Variants in ABCG2 observed in about 807,000 individuals in gnomAD.
The protein encoded by ABCG2 is ATP binding cassette subfamily G member 2 (JR blood group).
A neutral mutation model predicts 73.5 loss-of-function variants in ABCG2; 80 were observed. The observed-to-expected ratio is 1.09, with a 90% CI of 0.91 to 1.31. The LOEUF is 1.31. Among genes scored for constraint, ABCG2 ranks in the 50% most tolerant of loss-of-function variants. The pLI, the probability that ABCG2 is intolerant of heterozygous loss-of-function variation, is 0.00. For synonymous variants in ABCG2, 269 were observed against 282.4 expected (o/e 0.95, Z 0.48); for missense variants, 796 against 786.2 (o/e 1.01, Z -0.15).
chr4:88,135,478 T>C (rs1725174060), intron 2 of ABCG2, among the ~76,000 whole-genome samples: 1 of 152,208 alleles, frequency 6.6e-6, no homozygotes, highest in Admixed American at 6.5e-5. Flanking sequence ...GTTTTGTTTA[T>C]GGACAAGAGA....
At chr4:88,094,681 G>C (rs768599475) in intron 14 of ABCG2, 22 bp from the exon 15 acceptor site, 4 of 1,587,652 alleles carry the variant, frequency 2.5e-6, no homozygotes, top group Non-Finnish European at 3.5e-6. Context: ...GTGGGAGCAG[G>C]GCAAGGTAAA....
chr4:88,191,784 T>G (rs1296333588), intron 1 of ABCG2, among the ~76,000 whole-genome samples: 1 of 152,170 alleles, frequency 6.6e-6, no homozygotes, highest in Non-Finnish European at 1.5e-5. Context: ...CAATCAAAAT[T>G]AATGAAGTAC....
chr4:88,181,380 C>G (rs1211037919), intron 1 of ABCG2, among the ~76,000 whole-genome samples: 1 of 108,964 alleles, frequency 9.2e-6, no homozygotes, highest in Non-Finnish European at 1.7e-5. Context: ...AGCCTGGTGA[C>G]AGAGCAAGAC....
intron 1 of ABCG2, among the ~76,000 whole-genome samples, chr4:88,152,534 C>A (rs142144570): frequency 4.6e-5 from 7 of 151,836 alleles, no homozygotes; most frequent in Non-Finnish European, 1.0e-4. Context: ...GGGTGCTCAG[C>A]GGGGGAGCTT....
chr4:88,159,720 A>G (rs979322042), upstream of ABCG2, among the ~76,000 whole-genome samples: 14 of 152,216 alleles, frequency 9.2e-5, no homozygotes, highest in African/African-American at 2.4e-4. Flanking sequence ...TGGTTCACCC[A>G]ATGCAGGAAA....
intron 1 of ABCG2, among the ~76,000 whole-genome samples, chr4:88,180,591 T>A (rs1026997563): frequency 2.0e-5 from 3 of 152,048 alleles, no homozygotes; most frequent in Non-Finnish European, 4.4e-5. Context: ...TTTTAAATTT[T>A]TAAATTTTTT....
intron 1 of ABCG2, among the ~76,000 whole-genome samples, chr4:88,194,322 G>A (rs913899154): frequency 2.6e-5 from 4 of 151,478 alleles, no homozygotes; most frequent in Admixed American, 2.0e-4. Flanking sequence ...AGGCCGAGGC[G>A]GGCGGATCAC....
upstream of ABCG2, chr4:88,158,754 G>A: frequency 2.6e-6 from 1 of 385,236 alleles, no homozygotes; most frequent in South Asian, 1.9e-5. Context: ...CCCCTCGCGC[G>A]GCGGCCGGCG....
intron 1 of ABCG2, among the ~76,000 whole-genome samples, chr4:88,229,136 G>A (rs1246107356): frequency 3.3e-5 from 5 of 152,148 alleles, no homozygotes; most frequent in African/African-American, 2.4e-5. Context: ...CTTTGGGTCC[G>A]CACTACCTTT....
chr4:88,195,693 T>G (rs375680838), intron 1 of ABCG2, among the ~76,000 whole-genome samples: 8 of 152,188 alleles, frequency 5.3e-5, no homozygotes, highest in East Asian at 1.9e-4. Context: ...ATGCACAGTT[T>G]GACCTTTGAC....
intron 1 of ABCG2, among the ~76,000 whole-genome samples, chr4:88,221,468 G>A (rs1324442174): frequency 6.6e-6 from 1 of 152,164 alleles, no homozygotes; most frequent in Non-Finnish European, 1.5e-5. Flanking sequence ...GAAGAAGACA[G>A]GAAAATGTGG....
At chr4:88,183,064 GAC>G (rs1409150305) in intron 1 of ABCG2, among the ~76,000 whole-genome samples, 1 of 128,966 alleles carries the variant, frequency 7.8e-6, no homozygotes. Context: ...CAGCCTGGGC[GAC>G]AGAGTGAGAC....
intron 2 of ABCG2, among the ~76,000 whole-genome samples, 194 bp downstream of exon 2, chr4:88,139,599 C>T (rs2725253): frequency 0.97 from 147,526 of 152,334 alleles, 71,622 homozygotes; most frequent in East Asian, 1. Flanking sequence ...CTTTGAGAGT[C>T]AAACATATAC....
chr4:88,145,908 T>G (rs569179899), intron 1 of ABCG2, among the ~76,000 whole-genome samples: 1 of 152,074 alleles, frequency 6.6e-6, no homozygotes, highest in African/African-American at 2.4e-5. Flanking sequence ...GCACTCCAGC[T>G]TGGGCAACAG....
chr4:88,226,012 G>A (rs546507936), intron 1 of ABCG2, among the ~76,000 whole-genome samples: 3 of 152,004 alleles, frequency 2.0e-5, no homozygotes, highest in East Asian at 3.9e-4. Context: ...ATCTCCCACC[G>A]GGTCCCTCCC....
intron 4 of ABCG2, 73 bp downstream of exon 4, chr4:88,131,730 T>A (rs889382191): frequency 9.7e-5 from 104 of 1,075,890 alleles, no homozygotes; most frequent in Non-Finnish European, 1.2e-4. Flanking sequence ...TGGAAGCACA[T>A]TGAACTATCA....
At chr4:88,172,510 C>G (rs1422162438) in intron 1 of ABCG2, among the ~76,000 whole-genome samples, 1 of 144,572 alleles carries the variant, frequency 6.9e-6, no homozygotes, top group African/African-American at 2.6e-5. Flanking sequence ...ACCAAGGAGG[C>G]AGAGGTTGCA....
intron 1 of ABCG2, among the ~76,000 whole-genome samples, chr4:88,217,725 G>A (rs1578286746): frequency 6.6e-6 from 1 of 151,992 alleles, no homozygotes; most frequent in Non-Finnish European, 1.5e-5. Flanking sequence ...TGTAATCCCA[G>A]CACTCTGGGA....
chr4:88,218,213 G>C (rs1211519216), intron 1 of ABCG2, among the ~76,000 whole-genome samples: 1 of 152,074 alleles, frequency 6.6e-6, no homozygotes, highest in Admixed American at 6.6e-5. Context: ...GTTTAAAATT[G>C]CAAAACCTTT....
Sources: gnomAD v4.1 joint callset for allele counts (sites outside exome capture counted in the v4.1 genomes callset) on GRCh38, gnomAD v4.1.1 for gene constraint, MANE v1.5 for transcripts, NCBI Gene and HGNC (gene_info 2026-07-23, HGNC 2026-07-21) for gene names.